The following KCNT2 variants were observed in gnomAD, a reference collection of about 807,000 sequenced individuals.
KCNT2 encodes potassium sodium-activated channel subfamily T member 2.
KCNT2 carries 67 observed loss-of-function variants against 153.8 expected under a neutral mutation model. The ratio of observed to expected loss-of-function variants is 0.44; its 90% CI spans 0.36 to 0.53. KCNT2 has a LOEUF of 0.53. KCNT2 is among the 20% of genes least tolerant of loss of function. The pLI, the probability that KCNT2 is intolerant of heterozygous loss-of-function variation, is 0.00. For synonymous variants in KCNT2, 500 were observed against 458.8 expected (o/e 1.09, Z -1.15); for missense variants, 975 against 1,354.8 (o/e 0.72, Z 4.40).
chr1:196,432,608 T>C (rs1189936165), intron 8 of KCNT2, among the ~76,000 whole-genome samples: 3 of 152,116 alleles, frequency 2.0e-5, no homozygotes, highest in African/African-American at 7.2e-5. Context: ...TGGGACCTAT[T>C]ACCCATTTCT....
At chr1:196,566,585 G>A (rs1660140482) in intron 1 of KCNT2, among the ~76,000 whole-genome samples, 1 of 152,080 alleles carries the variant, frequency 6.6e-6, no homozygotes. Context: ...GATTAAGGTG[G>A]TGGGAGAGAG....
chr1:196,382,082 A>AATTTATTTATTTACTTATTT (rs1669543962), intron 13 of KCNT2, among the ~76,000 whole-genome samples: 1 of 143,188 alleles, frequency 7.0e-6, no homozygotes, highest in East Asian at 2.1e-4. Flanking sequence ...TGTTTAACCA[A>AATTTATTTATTTACTTATTT]ATTTATTTAT....
chr1:196,589,470 A>G (rs1231699093), intron 1 of KCNT2, among the ~76,000 whole-genome samples: 2 of 152,130 alleles, frequency 1.3e-5, no homozygotes, highest in Non-Finnish European at 2.9e-5. Flanking sequence ...ATAGTTTATT[A>G]GCAAATAAAT....
intron 19 of KCNT2, among the ~76,000 whole-genome samples, chr1:196,320,063 A>G (rs1326788600): frequency 1.3e-5 from 2 of 151,860 alleles, no homozygotes; most frequent in Non-Finnish European, 2.9e-5. Flanking sequence ...AAATAAATAT[A>G]GTATATATGC....
At chr1:196,390,887 A>ATTTT (rs1243956099) in intron 13 of KCNT2, among the ~76,000 whole-genome samples, 79 of 111,696 alleles carry the variant, frequency 7.1e-4, no homozygotes, top group Non-Finnish European at 1.1e-3. Context: ...GATCTCATTC[A>ATTTT]TTCTTTTTTT....
At chr1:196,568,975 T>C (rs1660456050) in intron 1 of KCNT2, among the ~76,000 whole-genome samples, 1 of 152,140 alleles carries the variant, frequency 6.6e-6, no homozygotes, top group Admixed American at 6.5e-5. Flanking sequence ...GAAGCAATAA[T>C]CCAGGACAAT....
Position 196,342,131 on chromosome 1 carries a change from C to T in KCNT2, c.1501G>A (p.Ala501Thr). ...HIVLEESTFF[A>T]EYEGKSFTYA... ...GTAAAACTCTTTCCTTCATATTCAG[C>T]AAAAAATGTACTTTCTTCCAAAACA... The change falls in exon 15 of 28, where the codon GCT becomes ACT. Residue 501 changes from alanine to threonine, a missense_variant. Ala to Thr is a moderately conservative substitution (Grantham distance 58, BLOSUM62 0). This residue lies in a region of KCNT2 where 325 missense variants were observed against 388.1 expected (regional missense o/e 0.84). Coordinates refer to ENST00000294725, the MANE Select transcript of KCNT2 (RefSeq NM_198503.5). 1.2e-6 allele frequency: 2 copies of T among 1,610,996 alleles called. No individual in the cohort carries two copies. Among genetic ancestry groups the T allele is most frequent in the Non-Finnish European group, 1.7e-6 (2 of 1,178,556 alleles).
At chr1:196,403,734 A>G (rs1338622014) in intron 12 of KCNT2, among the ~76,000 whole-genome samples, 2 of 151,606 alleles carry the variant, frequency 1.3e-5, no homozygotes, top group African/African-American at 4.8e-5. Context: ...CTTAACAATA[A>G]CAACAAAAAG....
chr1:196,558,935 A>AATAAAACAAGTAATG (rs1659038514), intron 1 of KCNT2, among the ~76,000 whole-genome samples: 1 of 151,346 alleles, frequency 6.6e-6, no homozygotes, highest in Non-Finnish European at 1.5e-5. Context: ...AACAAGTAAT[A>AATAAAACAAGTAATG]TCTTAATAAA....
chr1:196,485,146 G>A (rs993726185), intron 3 of KCNT2, among the ~76,000 whole-genome samples: 1 of 151,932 alleles, frequency 6.6e-6, no homozygotes, highest in African/African-American at 2.4e-5. Context: ...GTCCTTTTTA[G>A]GGACATGGAT....
intron 17 of KCNT2, 24 bp from the exon 18 acceptor site, chr1:196,331,285 C>G (rs201437614): frequency 8.2e-7 from 1 of 1,224,944 alleles, no homozygotes; most frequent in East Asian, 2.3e-5. Context: ...CAAAATATTA[C>G]CCTTGGATAA....
chr1:196,307,849 G>C (rs1661783452), intron 21 of KCNT2, among the ~76,000 whole-genome samples: 1 of 151,958 alleles, frequency 6.6e-6, no homozygotes, highest in African/African-American at 2.4e-5. Flanking sequence ...ACTTTTGGCT[G>C]GCAAACTCCA....
chr1:196,566,191 G>C (rs1168239107), intron 1 of KCNT2, among the ~76,000 whole-genome samples: 3 of 151,984 alleles, frequency 2.0e-5, no homozygotes, highest in Admixed American at 6.6e-5. Flanking sequence ...AGGAGAGTGA[G>C]ACTATTTCTG....
Position 196,285,643 on chromosome 1 carries a change from G to T in KCNT2, c.2697+14C>A. 7 of 1,498,560 alleles carry T rather than the reference G, an allele frequency of 4.7e-6. No individual in the cohort carries two copies. The highest frequency in any genetic ancestry group is 6.5e-6 in the Non-Finnish European group (7 of 1,084,360). The allele number at this position is 1,498,560 out of a possible 1,614,324, so 92.8% of individuals were successfully genotyped here. A position where few individuals can be genotyped will look rare whatever the true frequency, so the allele number is the denominator to read the frequency against. On this transcript the variant is annotated intron_variant, in intron 23 of 27. Coordinates refer to ENST00000294725, the MANE Select transcript of KCNT2 (RefSeq NM_198503.5). ...ACAACCATTTTAGAGAAAATAAAAA[G>T]AAATATTGTATACCTGATACAGCAG...
intron 25 of KCNT2, among the ~76,000 whole-genome samples, chr1:196,273,951 T>C (rs1658315600): frequency 6.6e-6 from 1 of 151,650 alleles, no homozygotes; most frequent in African/African-American, 2.4e-5. Flanking sequence ...AATAAAATAA[T>C]TGGTAGTAGC....
chr1:196,303,698 T>G (rs965997604), intron 22 of KCNT2, among the ~76,000 whole-genome samples: 1 of 152,142 alleles, frequency 6.6e-6, no homozygotes, highest in Non-Finnish European at 1.5e-5. Context: ...AAATAGCTCC[T>G]ACCACTATTT....
At chr1:196,362,571 C>T (rs545581158) in intron 14 of KCNT2, among the ~76,000 whole-genome samples, 33 of 152,200 alleles carry the variant, frequency 2.2e-4, no homozygotes, top group Admixed American at 3.9e-4. Context: ...CTTTACCTGA[C>T]ATTTGCTGGC....
chr1:196,456,170 G>A (rs1230344573), intron 8 of KCNT2, among the ~76,000 whole-genome samples: 2 of 151,990 alleles, frequency 1.3e-5, no homozygotes, highest in Non-Finnish European at 2.9e-5. Context: ...GGAAGTGGAG[G>A]AGGAAAAGGA....
chr1:196,362,335 G>A (rs1482872301), intron 14 of KCNT2, among the ~76,000 whole-genome samples: 1 of 152,026 alleles, frequency 6.6e-6, no homozygotes, highest in Non-Finnish European at 1.5e-5. Context: ...CTTTTCTGGT[G>A]ATGATAAATG....
Sources: allele counts gnomAD v4.1 joint callset (sites outside exome capture counted in the v4.1 genomes callset), GRCh38; gene constraint gnomAD v4.1.1; regional missense constraint gnomAD v4.1.1; transcripts MANE v1.5; gene names NCBI Gene and HGNC (gene_info 2026-07-23, HGNC 2026-07-21).